L3HYPDH: variants seen among roughly 807,000 people sequenced by gnomAD.
The protein encoded by L3HYPDH is trans-L-3-hydroxyproline dehydratase.
Under a neutral mutation model 26.5 loss-of-function variants are expected in L3HYPDH, and 32 were observed. The observed-to-expected ratio is 1.21, with a 90% confidence interval of 0.91 to 1.62. The LOEUF (loss-of-function observed/expected upper bound fraction) is 1.62. Ranked by LOEUF, L3HYPDH falls within the 40% of genes most tolerant of loss-of-function variation. L3HYPDH has a pLI of 0.00. For synonymous variants in L3HYPDH, 215 were observed against 196.6 expected (o/e 1.09, Z -0.78); for missense variants, 554 against 476.4 (o/e 1.16, Z -1.52).
intron 4 of L3HYPDH, among the ~76,000 whole-genome samples, chr14:59,473,687 A>G (rs1428142883): frequency 6.6e-6 from 1 of 152,204 alleles, no homozygotes; most frequent in Non-Finnish European, 1.5e-5. Context: ...AGAAAGACAT[A>G]CAGGGTAGGT....
intron 1 of L3HYPDH, among the ~76,000 whole-genome samples, chr14:59,467,273 A>C (rs1322528518): frequency 6.6e-6 from 1 of 152,228 alleles, no homozygotes; most frequent in African/African-American, 2.4e-5. Context: ...GTTAGTGTTG[A>C]AGTGAGCAGT....
rs757996816 is a variant in L3HYPDH at position 59,484,084 on chromosome 14, GC to G, written c.232del (p.Ala78ArgfsTer3). On this transcript the variant is annotated frameshift_variant, in exon 1 of 5. Transcript: ENST00000247194. LOFTEE classifies it high-confidence loss of function. ...EPRGHRDMYG[A>X]VLVPSELPDA... ...CGGCAGCTCGCTCGGGACTAGGACC[GC>G]CCCGTACATGTCCCGGTGCCCTCGG... is the stretch of plus-strand genomic sequence containing the variant. The G allele has an allele frequency of 3.1e-6, 5 of 1,606,652 alleles. No homozygotes were observed. The East Asian group carries it at 1.1e-4, about 36-fold the overall frequency.
chr14:59,504,941 G>T, the L3HYPDH span: 3 of 212,348 alleles, frequency 1.4e-5, no homozygotes, highest in Non-Finnish European at 1.9e-5. Context: ...TTTTCCTGTG[G>T]TTGGTTTGTG....
the L3HYPDH span, chr14:59,501,353 T>A: frequency 6.3e-6 from 5 of 797,210 alleles, no homozygotes; most frequent in African/African-American, 5.3e-5. Context: ...TATGATATAG[T>A]ACAACTAATT....
In L3HYPDH at chr14:59,473,098, A is replaced by C; in HGVS notation, c.940-8T>G. On this transcript the variant is annotated splice_region_variant and splice_polypyrimidine_tract_variant and intron_variant, in intron 4 of 4. Transcript: ENST00000247194. ...ATCACCACATTTCGCTTCCTGAAAA[A>C]AGATGAAGGGAGTATACTATCAAAA... The C allele has an allele frequency of 6.3e-7, 1 of 1,589,378 alleles. No homozygotes were observed. Among genetic ancestry groups the C allele is most frequent in the South Asian group, 1.2e-5 (1 of 86,002 alleles).
downstream of L3HYPDH, among the ~76,000 whole-genome samples, chr14:59,470,955 C>CGGG (rs57974393): frequency 8.9e-5 from 5 of 56,158 alleles, no homozygotes; most frequent in Non-Finnish European, 1.0e-4. Context: ...TGGCTGGGGG[C>CGGG]GGGGGGGGGG....
the L3HYPDH span, chr14:59,495,254 G>A: frequency 1.8e-6 from 1 of 546,156 alleles, no homozygotes; most frequent in Non-Finnish European, 2.5e-6. Flanking sequence ...TAAGATCATT[G>A]TTTTTTTTTA....
At chr14:59,500,942 G>A in the L3HYPDH span, 70 of 402,670 alleles carry the variant, frequency 1.7e-4, no homozygotes, top group Middle Eastern at 1.3e-3. Flanking sequence ...TATTCTCTAT[G>A]GCTGCTTTCC....
the L3HYPDH span, chr14:59,504,033 A>G: frequency 6.2e-7 from 1 of 1,613,666 alleles, no homozygotes; most frequent in Non-Finnish European, 8.5e-7. Context: ...AATTTACCGA[A>G]CCTTCAAGGA....
chr14:59,492,654 C>T, the L3HYPDH span, among the ~76,000 whole-genome samples: 1 of 152,176 alleles, frequency 6.6e-6, no homozygotes, highest in Non-Finnish European at 1.5e-5. Flanking sequence ...ACATTCTATC[C>T]TTATCAGGCT....
intron 1 of L3HYPDH, among the ~76,000 whole-genome samples, chr14:59,465,840 T>G (rs933023724): frequency 2.0e-5 from 3 of 152,134 alleles, no homozygotes; most frequent in African/African-American, 7.2e-5. Context: ...AGAATTCACA[T>G]AGAGGGCGTG....
the L3HYPDH span, chr14:59,504,957 T>G: frequency 4.4e-6 from 1 of 229,474 alleles, no homozygotes; most frequent in East Asian, 8.7e-5. Flanking sequence ...TTGTGGTTTG[T>G]GATAGGTGTT....
upstream of L3HYPDH, among the ~76,000 whole-genome samples, chr14:59,486,193 CTT>C (rs1208666573): frequency 1.3e-5 from 2 of 152,104 alleles, no homozygotes; most frequent in African/African-American, 2.4e-5. Flanking sequence ...ATGTAGGAAA[CTT>C]TTTATAAAGG....
chr14:59,467,921 G>T (rs76788271), downstream of L3HYPDH, among the ~76,000 whole-genome samples: 555 of 152,268 alleles, frequency 3.6e-3, 3 homozygotes, highest in African/African-American at 0.012. Flanking sequence ...TTTTAGTTGC[G>T]GACTATCTTT....
At chr14:59,476,875 T>C (rs781014230) in intron 2 of L3HYPDH, among the ~76,000 whole-genome samples, 6 of 152,218 alleles carry the variant, frequency 3.9e-5, no homozygotes, top group Non-Finnish European at 5.9e-5. Context: ...GGCCCAAATA[T>C]GCAAAGCTAC....
At chr14:59,474,220 C>A (rs905797779) in intron 4 of L3HYPDH, among the ~76,000 whole-genome samples, 1 of 152,040 alleles carries the variant, frequency 6.6e-6, no homozygotes, top group African/African-American at 2.4e-5. Context: ...TGGTGCCCAG[C>A]CAAGAAGCAG....
chr14:59,476,344 G>A (rs1380265971), intron 2 of L3HYPDH, 130 bp from the exon 3 acceptor site: 13 of 653,442 alleles, frequency 2.0e-5, no homozygotes, highest in Non-Finnish European at 1.3e-5. Context: ...TTTGGGCAAC[G>A]TATACTAATT....
intron 1 of L3HYPDH, chr14:59,483,460 T>C (rs1594921141): frequency 8.6e-7 from 1 of 1,168,006 alleles, no homozygotes; most frequent in Non-Finnish European, 1.1e-6. Flanking sequence ...ACATTGGCTG[T>C]TCTTCGCTCT....
At chr14:59,484,753 G>T, upstream of L3HYPDH, 1 of 1,016,840 alleles carries the variant, frequency 9.8e-7, no homozygotes, top group Non-Finnish European at 1.4e-6. Context: ...GCACTCCTGC[G>T]GGGTTGGGGT....
Sources: gnomAD v4.1 joint callset for allele counts (sites outside exome capture counted in the v4.1 genomes callset) on GRCh38, gnomAD v4.1.1 for gene constraint, MANE v1.5 for transcripts, NCBI Gene and HGNC (gene_info 2026-07-23, HGNC 2026-07-21) for gene names.